TRPM7: variants seen among roughly 807,000 people sequenced by gnomAD.
TRPM7 encodes the protein transient receptor potential cation channel subfamily M member 7, also known as LTRPC ion channel family member 7.
In TRPM7, 134 loss-of-function variants were observed where a neutral mutation model predicts 229.7. That is an observed-to-expected ratio of 0.58 (90% CI 0.51 to 0.67). The LOEUF is 0.67. Ranked by LOEUF, TRPM7 falls within the 30% of genes least tolerant of loss-of-function variation. TRPM7 has a pLI of 0.00. For missense variants in TRPM7, 1,901 were observed against 2,210.0 expected, an observed-to-expected ratio of 0.86 and a Z score of 2.80; for synonymous variants, 699 against 715.2, an observed-to-expected ratio of 0.98 and a Z score of 0.36.
intron 31 of TRPM7, among the ~76,000 whole-genome samples, chr15:50,576,828 A>T (rs687549): frequency 0.075 from 11,433 of 152,328 alleles, 560 homozygotes; most frequent in South Asian, 0.12. Context: ...AGAGGAGGCC[A>T]GGCACAGTGG....
intron 4 of TRPM7, among the ~76,000 whole-genome samples, chr15:50,646,110 C>CAA (rs67338843): frequency 8.6e-6 from 1 of 116,540 alleles, no homozygotes; most frequent in Non-Finnish European, 1.8e-5. Flanking sequence ...GAGCGAGTCT[C>CAA]AAAAAAAAAA....
At chr15:50,614,071 C>A in intron 14 of TRPM7, 52 bp downstream of exon 14, 1 of 1,480,672 alleles carries the variant, frequency 6.8e-7, no homozygotes, top group East Asian at 2.3e-5. Context: ...AATTAAAGTG[C>A]ATGTGTTAAT....
chr15:50,683,350 A>C (rs974938837), intron 1 of TRPM7, among the ~76,000 whole-genome samples: 1 of 152,144 alleles, frequency 6.6e-6, no homozygotes. Flanking sequence ...CTACTACAAA[A>C]ACTACTACAT....
In TRPM7 at chr15:50,612,829, T is replaced by A. The variant is rs2060099149; in HGVS notation, c.1771A>T (p.Ile591Phe). The A allele has an allele frequency of 1.2e-6, 2 of 1,606,428 alleles. No individual in the cohort carries two copies. Among genetic ancestry groups the A allele is most frequent in the Admixed American group, 1.7e-5 (1 of 58,794 alleles). ...TTTCCTTCTTCCATAACTGTATCAA[T>A]CTTCCAGGGAAAATAAAGTTATAAA... ...IKTAQPYRPK[I>F]DTVMEEGKKK... The change falls in exon 16 of 39, where the codon ATT becomes TTT. Residue 591 changes from isoleucine (I) to phenylalanine (F), a missense_variant and splice_region_variant. By Grantham distance (21) the Ile-to-Phe change is conservative (BLOSUM62 0). Coordinates refer to ENST00000646667, the MANE Select transcript of TRPM7 (RefSeq NM_017672.6).
chr15:50,679,489 T>TTA (rs1323028704), intron 1 of TRPM7, among the ~76,000 whole-genome samples: 2 of 118,844 alleles, frequency 1.7e-5, no homozygotes, highest in East Asian at 4.7e-4. Context: ...TATATATATA[T>TTA]TATATATATG....
chr15:50,657,656 AG>A, intron 3 of TRPM7, 124 bp downstream of exon 3: 1 of 792,926 alleles, frequency 1.3e-6, no homozygotes. Context: ...TTCCAAGTCT[AG>A]GTAAAGTACC....
chr15:50,613,684 G>C lies in TRPM7; in HGVS notation c.1770+23C>G, dbSNP rs1243055794. 4 of 1,493,038 alleles carry C rather than the reference G, an allele frequency of 2.7e-6. No homozygotes were observed. In the Admixed American group the frequency reaches 1.1e-4, roughly 40 times the overall value. 92.5% of individuals were successfully genotyped at this position (1,493,038 alleles called of 1,614,324 possible). ...AAAGAAGAAAATAAAAACCCAGAAA[G>C]AATAATATTTAAATAAATTTACCTT... On this transcript the variant is annotated intron_variant, in intron 15 of 38. Transcript: ENST00000646667.
chr15:50,596,463 G>T (rs2059635771), intron 22 of TRPM7, 82 bp from the exon 23 acceptor site: 3 of 1,065,670 alleles, frequency 2.8e-6, no homozygotes, highest in Admixed American at 3.7e-5. Context: ...AGTGTTTCTG[G>T]TTATTTATTT....
At chr15:50,602,627 T>C (rs546882838) in intron 21 of TRPM7, among the ~76,000 whole-genome samples, 2 of 152,348 alleles carry the variant, frequency 1.3e-5, no homozygotes, top group South Asian at 4.1e-4. Context: ...CACATGTCTA[T>C]ATTTAGAGAC....
intron 3 of TRPM7, among the ~76,000 whole-genome samples, chr15:50,655,348 G>A (rs1434835989): frequency 1.3e-5 from 2 of 149,474 alleles, no homozygotes; most frequent in Non-Finnish European, 3.0e-5. Flanking sequence ...CAGGAGAATT[G>A]CTTGAACCTG....
Position 50,586,451 on chromosome 15 carries a change from C to G in TRPM7, c.4427G>C (p.Ser1476Thr), listed in dbSNP as rs1395858240. ...NTSENTLKRV[S>T]SLAGFTDCHR... ...ACAGTCAGTAAATCCAGCAAGAGAACTCACTCGTTTCAAAGTGTTTTCAGA... is the reference window on the plus strand; with the variant it reads ...ACAGTCAGTAAATCCAGCAAGAGAAGTCACTCGTTTCAAAGTGTTTTCAGA... Residue 1476 changes from serine to threonine, a missense_variant, in exon 28 of 39, where the codon AGT (serine) becomes ACT (threonine). Coordinates refer to ENST00000646667, the MANE Select transcript of TRPM7 (RefSeq NM_017672.6). 1.2e-6 allele frequency: 2 copies of G among 1,613,212 alleles called. No individual in the cohort carries two copies. Among genetic ancestry groups the G allele is most frequent in the South Asian group, 2.2e-5 (2 of 91,028 alleles).
In TRPM7 at chr15:50,592,197, T is replaced by C. The variant is rs56348535; in HGVS notation, c.4038A>G (p.Pro1346=). The C allele has an allele frequency of 1.3e-5, 21 of 1,614,076 alleles. No homozygotes were observed. The highest frequency in any genetic ancestry group is 4.0e-5 in the African/African-American group (3 of 74,950). ...AGGCACCAGAAGAGGAACCAGCCTC[T>C]GGAAAATTAAATTCTTTTCTCTGGG... The part of the protein sequence containing the change: ...AVPQRKEFNF[P]EAGSSSGALF... The change falls in exon 26 of 39, where the codon CCA becomes CCG. Residue 1346 remains proline, a synonymous_variant. Coordinates refer to ENST00000646667, the MANE Select transcript of TRPM7 (RefSeq NM_017672.6).
intron 21 of TRPM7, chr15:50,604,213 AG>A (rs1485868135): frequency 6.6e-6 from 1 of 152,318 alleles, no homozygotes; most frequent in East Asian, 1.9e-4. Context: ...ACTAAGGAAA[AG>A]AGCAAAATAC....
chr15:50,629,337 G>A (rs117739068), intron 10 of TRPM7, among the ~76,000 whole-genome samples: 5,573 of 149,254 alleles, frequency 0.037, 343 homozygotes, highest in Middle Eastern at 0.062. Context: ...CAGTGGCGTG[G>A]TCTTGGTTCA....
intron 11 of TRPM7, among the ~76,000 whole-genome samples, chr15:50,625,144 G>A (rs539647590): frequency 1.1e-4 from 16 of 152,042 alleles, no homozygotes; most frequent in Non-Finnish European, 2.1e-4. Flanking sequence ...ATTAATAAAG[G>A]TTGTTTTAAT....
rs34122648 is a variant in TRPM7 at position 50,652,328 on chromosome 15, C to CAA, written c.123-3445_123-3444dup. 1.8e-3 allele frequency among the ~76,000 whole-genome samples: 63 copies of CAA among 34,230 alleles called. 9 individuals are homozygous for CAA. Among genetic ancestry groups the CAA allele is most frequent in the African/African-American group, 7.6e-3 (53 of 6,972 alleles). The allele number at this position is 34,230 out of a possible 152,430, so 22.5% of individuals were successfully genotyped here. On this transcript the variant is annotated intron_variant, in intron 3 of 38. Coordinates refer to ENST00000646667, the MANE Select transcript of TRPM7 (RefSeq NM_017672.6). ...AGCCTGGCTGAGTGAGACTCCATCT[C>CAA]AAAAAAAAAAAAAAAAAAAAAAAAA...
At chr15:50,585,050 A>AT (rs755433337) in intron 28 of TRPM7, among the ~76,000 whole-genome samples, 6,258 of 94,964 alleles carry the variant, frequency 0.066, 522 homozygotes, top group African/African-American at 0.15. Context: ...TAATTTTTGT[A>AT]TTTTTTTTTT....
At chr15:50,585,794 T>C (rs2059325952) in intron 28 of TRPM7, among the ~76,000 whole-genome samples, 1 of 152,172 alleles carries the variant, frequency 6.6e-6, no homozygotes, top group African/African-American at 2.4e-5. Flanking sequence ...GCATATATAA[T>C]CTTGACTTAT....
Position 50,653,606 on chromosome 15 carries a change from G to T in TRPM7, c.122+4175C>A, listed in dbSNP as rs542617307. Among the ~76,000 whole-genome samples, 5 of 152,260 alleles carry T rather than the reference G, an allele frequency of 3.3e-5. No individual in the cohort carries two copies. The South Asian group carries it at 1.0e-3, about 32-fold the overall frequency. ...TAAACCCCCATGACTGCACCAGCTT[G>T]GGGGCAATTTCTCAATCATAGAGAT... On this transcript the variant is annotated intron_variant, in intron 3 of 38. Coordinates refer to ENST00000646667, the MANE Select transcript of TRPM7 (RefSeq NM_017672.6).
Sources: gnomAD v4.1 joint callset for allele counts (sites outside exome capture counted in the v4.1 genomes callset) on GRCh38, gnomAD v4.1.1 for gene constraint, MANE v1.5 for transcripts, NCBI Gene and HGNC (gene_info 2026-07-23, HGNC 2026-07-21) for gene names.